The following KCNAB1 variants were observed in gnomAD, a reference collection of about 807,000 sequenced individuals.
KCNAB1 encodes the protein voltage-gated potassium channel subunit beta-1.
A neutral mutation model predicts 64.6 loss-of-function variants in KCNAB1; 35 were observed. That is an observed-to-expected ratio of 0.54 (90% CI 0.41 to 0.72). The LOEUF (loss-of-function observed/expected upper bound fraction) is 0.72. Among genes scored for constraint, KCNAB1 ranks in the 30% least tolerant of loss-of-function variants. KCNAB1 has a pLI of 0.00. For missense variants in KCNAB1, 401 were observed against 512.9 expected (o/e 0.78, Z 2.11); for synonymous variants, 177 against 183.8 (o/e 0.96, Z 0.30).
intron 1 of KCNAB1, among the ~76,000 whole-genome samples, chr3:156,388,186 C>T (rs569246110): frequency 2.0e-5 from 3 of 152,168 alleles, no homozygotes; most frequent in African/African-American, 7.2e-5. Flanking sequence ...AGTGCCAGAA[C>T]CCTGCAGACC....
intron 13 of KCNAB1, 144 bp from the exon 14 acceptor site, chr3:156,536,514 T>C (rs1453969234): frequency 7.7e-6 from 5 of 650,690 alleles, no homozygotes; most frequent in Non-Finnish European, 1.4e-5. Context: ...TACAATGTGA[T>C]GGTGTTGGGG....
At chr3:156,186,024 T>C (rs1713167029) in intron 1 of KCNAB1, among the ~76,000 whole-genome samples, 1 of 152,192 alleles carries the variant, frequency 6.6e-6, no homozygotes, top group South Asian at 2.1e-4. Flanking sequence ...CTAAATATTC[T>C]CTTCTCTGCA....
At chr3:156,355,814 C>G (rs1305493481) in intron 1 of KCNAB1, among the ~76,000 whole-genome samples, 1 of 151,942 alleles carries the variant, frequency 6.6e-6, no homozygotes, top group South Asian at 2.1e-4. Context: ...TAATTTCATA[C>G]TAAAGAAAAT....
intron 1 of KCNAB1, among the ~76,000 whole-genome samples, chr3:156,318,995 C>T (rs1479153877): frequency 2.0e-5 from 3 of 152,178 alleles, no homozygotes; most frequent in Non-Finnish European, 4.4e-5. Flanking sequence ...TTTCTTCCTT[C>T]ATACCTTGCT....
intron 1 of KCNAB1, among the ~76,000 whole-genome samples, chr3:156,358,204 A>G (rs1203676198): frequency 2.6e-5 from 4 of 152,220 alleles, no homozygotes; most frequent in Admixed American, 2.6e-4. Flanking sequence ...ATTTATTTTA[A>G]AAGATTAAAA....
At chr3:156,441,741 C>A (rs1333884455) in intron 2 of KCNAB1, among the ~76,000 whole-genome samples, 1 of 152,048 alleles carries the variant, frequency 6.6e-6, no homozygotes, top group East Asian at 1.9e-4. Flanking sequence ...CATAACAATG[C>A]AGATTGTTTT....
chr3:156,437,302 TTTTG>T (rs1275073282), intron 2 of KCNAB1, among the ~76,000 whole-genome samples: 1 of 152,190 alleles, frequency 6.6e-6, no homozygotes, highest in African/African-American at 2.4e-5. Flanking sequence ...CTAATTGTAT[TTTTG>T]TTTGTCTTTG....
At chr3:156,364,054 A>G (rs1725790314) in intron 1 of KCNAB1, among the ~76,000 whole-genome samples, 1 of 152,180 alleles carries the variant, frequency 6.6e-6, no homozygotes. Flanking sequence ...CTTTCTCAAA[A>G]ATCTTTCAGT....
intron 3 of KCNAB1, chr3:156,457,153 T>A: frequency 9.2e-7 from 1 of 1,092,822 alleles, no homozygotes; most frequent in Non-Finnish European, 1.1e-6. Flanking sequence ...TAAGATGCCA[T>A]AAAGAATGTT....
rs56216211 is a variant in KCNAB1, at chr3:156,143,569, GTTTTT to G, written c.275+22707_275+22711del. On this transcript the variant is annotated intron_variant, in intron 1 of 13. Coordinates refer to ENST00000490337, the MANE Select transcript of KCNAB1 (RefSeq NM_172160.3). Reference sequence around the variant, plus strand: ...AGCCCTCTTCTTGGGTTGCATTCTTGTTTTTTTTTTTTTTTTTTTTTTTTTTTTAG... The same window carrying G: ...AGCCCTCTTCTTGGGTTGCATTCTTGTTTTTTTTTTTTTTTTTTTTTTTAG... 876 of 296,772 alleles carry G rather than the reference GTTTTT, an allele frequency of 3.0e-3. 9 individuals carry two copies. Among genetic ancestry groups the G allele is most frequent in the African/African-American group, 0.023 (779 of 34,220 alleles). The allele number at this position is 296,772 out of a possible 1,614,324, so 18.4% of individuals were successfully genotyped here. A position where few individuals can be genotyped will look rare whatever the true frequency, so the allele number is the denominator to read the frequency against.
intron 1 of KCNAB1, among the ~76,000 whole-genome samples, chr3:156,255,744 TCCA>T: frequency 6.6e-6 from 1 of 152,290 alleles, no homozygotes; most frequent in East Asian, 1.9e-4. Context: ...TATCACCTCC[TCCA>T]TGCAGCCTTC....
At chr3:156,284,187 A>G (rs1719931685) in intron 1 of KCNAB1, among the ~76,000 whole-genome samples, 1 of 152,100 alleles carries the variant, frequency 6.6e-6, no homozygotes, top group African/African-American at 2.4e-5. Context: ...CTTCTAACAG[A>G]CAGGACCCTC....
At chr3:156,509,762 A>C (rs1426024031) in intron 8 of KCNAB1, among the ~76,000 whole-genome samples, 1 of 152,222 alleles carries the variant, frequency 6.6e-6, no homozygotes, top group Non-Finnish European at 1.5e-5. Flanking sequence ...GATGCAGTGC[A>C]CTAAACTATC....
chr3:156,251,195 G>A (rs141547771), intron 1 of KCNAB1, among the ~76,000 whole-genome samples: 7 of 152,326 alleles, frequency 4.6e-5, no homozygotes, highest in Non-Finnish European at 8.8e-5. Flanking sequence ...ATACAATTAA[G>A]TAGGCTTGTG....
intron 1 of KCNAB1, among the ~76,000 whole-genome samples, chr3:156,363,479 C>CT (rs57981797): frequency 4.1e-3 from 594 of 146,634 alleles, no homozygotes; most frequent in Non-Finnish European, 5.1e-3. Context: ...CTTTGGCAAT[C>CT]TTTTTTTTTT....
chr3:156,462,502 T>G (rs1343950119), intron 5 of KCNAB1, among the ~76,000 whole-genome samples: 1 of 152,234 alleles, frequency 6.6e-6, no homozygotes, highest in African/African-American at 2.4e-5. Flanking sequence ...CAGGTTGTGT[T>G]ATCTCCAGGT....
intron 1 of KCNAB1, among the ~76,000 whole-genome samples, chr3:156,379,993 A>T (rs1712030183): frequency 1.3e-5 from 2 of 152,186 alleles, no homozygotes; most frequent in African/African-American, 4.8e-5. Context: ...GAATAACTAG[A>T]AGGATGTGGC....
At chr3:156,365,655 T>C (rs1234698451) in intron 1 of KCNAB1, among the ~76,000 whole-genome samples, 1 of 152,228 alleles carries the variant, frequency 6.6e-6, no homozygotes, top group Admixed American at 6.5e-5. Context: ...CTTTTGTCTG[T>C]AGTGATTTGG....
intron 1 of KCNAB1, among the ~76,000 whole-genome samples, chr3:156,269,639 T>C (rs1472964183): frequency 6.6e-6 from 1 of 152,198 alleles, no homozygotes; most frequent in Admixed American, 6.5e-5. Context: ...TGTTTATTTA[T>C]ATATCTGGGT....
Sources: allele counts gnomAD v4.1 joint callset (sites outside exome capture counted in the v4.1 genomes callset), GRCh38; gene constraint gnomAD v4.1.1; transcripts MANE v1.5; gene names NCBI Gene and HGNC (gene_info 2026-07-23, HGNC 2026-07-21).